Variants in PDE4D observed in about 807,000 individuals in gnomAD.
PDE4D encodes phosphodiesterase 4D.
PDE4D carries 24 observed loss-of-function variants against 87.4 expected under a neutral mutation model. The ratio of observed to expected loss-of-function variants is 0.27; its 90% confidence interval spans 0.20 to 0.39. PDE4D has a LOEUF of 0.39. Among genes scored for constraint, PDE4D ranks in the 10% least tolerant of loss-of-function variants. The probability of loss-of-function intolerance (pLI) is 1.00; values close to 1 mark genes in which losing one functional copy is unlikely to be tolerated. For missense variants in PDE4D, 714 were observed against 1,041.0 expected, an observed-to-expected ratio of 0.69 and a Z score of 4.32; for synonymous variants, 384 against 383.2, an observed-to-expected ratio of 1.00 and a Z score of -0.02.
chr5:60,042,133 G>A (rs574350938), intron 2 of PDE4D, among the ~76,000 whole-genome samples: 1 of 152,238 alleles, frequency 6.6e-6, no homozygotes, highest in Admixed American at 6.5e-5. Flanking sequence ...AGGGGTGTCT[G>A]CTATTACTGA....
intron 1 of PDE4D, among the ~76,000 whole-genome samples, chr5:59,281,760 C>T (rs568090479): frequency 8.7e-4 from 132 of 152,250 alleles, no homozygotes; most frequent in Non-Finnish European, 1.4e-3. Flanking sequence ...ATTTGGCTTT[C>T]TGTCCGTATG....
intron 2 of PDE4D, among the ~76,000 whole-genome samples, chr5:60,089,310 A>G (rs896675387): frequency 4.6e-5 from 7 of 152,074 alleles, no homozygotes; most frequent in African/African-American, 1.7e-4. Flanking sequence ...AAGTTTTAAA[A>G]AGTCAAAAAA....
At chr5:59,221,697 C>G (rs1752610267) in intron 1 of PDE4D, among the ~76,000 whole-genome samples, 1 of 152,090 alleles carries the variant, frequency 6.6e-6, no homozygotes, top group Admixed American at 6.5e-5. Flanking sequence ...TTTTCCAATT[C>G]TGAACATAAC....
At chr5:59,820,435 T>C (rs1327685177) in intron 1 of PDE4D, among the ~76,000 whole-genome samples, 1 of 152,200 alleles carries the variant, frequency 6.6e-6, no homozygotes, top group Non-Finnish European at 1.5e-5. Context: ...TCTCCTATTT[T>C]TTGAAGTTTA....
chr5:59,409,329 TG>T lies in PDE4D; in HGVS notation c.456-193362del, dbSNP rs1290721144. 2.1e-4 allele frequency among the ~76,000 whole-genome samples: 32 copies of T among 152,154 alleles called. 1 individual carries two copies. Among genetic ancestry groups the T allele is most frequent in the Admixed American group, 2.1e-3 (32 of 15,278 alleles). On this transcript the variant is annotated intron_variant, in intron 1 of 14. Coordinates refer to ENST00000340635, the MANE Select transcript of PDE4D (RefSeq NM_001104631.2). ...TTAATGCTGGAATGAGTTATGACTC[TG>T]GGAGACTGTTGAGAAGAGATGATTC...
intron 5 of PDE4D, among the ~76,000 whole-genome samples, chr5:59,119,401 T>C (rs949344427): frequency 2.6e-5 from 4 of 152,330 alleles, no homozygotes; most frequent in Non-Finnish European, 1.5e-5. Context: ...GAAGTACATT[T>C]ATCTGGGAAA....
intron 5 of PDE4D, among the ~76,000 whole-genome samples, chr5:59,091,918 A>T (rs1768822431): frequency 6.6e-6 from 1 of 152,180 alleles, no homozygotes; most frequent in South Asian, 2.1e-4. Context: ...CCAGGTGTGT[A>T]TAACATGAAG....
intron 6 of PDE4D, among the ~76,000 whole-genome samples, chr5:59,018,508 A>G (rs34612377): frequency 0.1 from 15,654 of 152,270 alleles, 1,048 homozygotes; most frequent in Non-Finnish European, 0.13. Context: ...AACAAAATAC[A>G]GCTCAAGGAT....
rs138917212 is a variant in PDE4D, at chr5:60,200,821, T to A, written c.-89-15134A>T. On this transcript the variant is annotated intron_variant, in intron 1 of 16. Transcript: ENST00000502484. The stretch of plus-strand genomic sequence containing the variant: ...CTGGAATGTGAGAAGAGTTTAATAG[T>A]AAGAAACCTATTAATATAACTCATT... Among the ~76,000 whole-genome samples the A allele has an allele frequency of 1.6e-4, 24 of 152,166 alleles. 1 individual carries two copies. The East Asian group carries it at 4.4e-3, about 28-fold the overall frequency.
chr5:59,677,730 G>A (rs1024924434), intron 1 of PDE4D, among the ~76,000 whole-genome samples: 1 of 152,116 alleles, frequency 6.6e-6, no homozygotes, highest in African/African-American at 2.4e-5. Flanking sequence ...AATAGAAAGG[G>A]TTTCCGAATC....
rs911913206 is a variant in PDE4D at position 59,394,658 on chromosome 5, C to T, written c.456-178690G>A. Among the ~76,000 whole-genome samples, 11 of 152,304 alleles carry T rather than the reference C, an allele frequency of 7.2e-5. No individual in the cohort carries two copies. In the East Asian group the frequency reaches 1.9e-3, roughly 27 times the overall value. On this transcript the variant is annotated intron_variant, in intron 1 of 14. Coordinates refer to ENST00000340635, the MANE Select transcript of PDE4D (RefSeq NM_001104631.2). ...TGAAAGATGGCACTTTTCTATTCTTCACCATATACAAGGCACAGTTCCAAG... is the reference window on the plus strand; with the variant it reads ...TGAAAGATGGCACTTTTCTATTCTTTACCATATACAAGGCACAGTTCCAAG...
intron 6 of PDE4D, among the ~76,000 whole-genome samples, 178 bp downstream of exon 6, chr5:59,038,681 C>T (rs1758999452): frequency 6.6e-6 from 1 of 152,256 alleles, no homozygotes; most frequent in Non-Finnish European, 1.5e-5. Flanking sequence ...GTTTATCTGG[C>T]GTGACTAGGG....
At chr5:60,422,280 AG>A (rs1223797688) in intron 1 of PDE4D, among the ~76,000 whole-genome samples, 1 of 152,232 alleles carries the variant, frequency 6.6e-6, no homozygotes, top group East Asian at 1.9e-4. Context: ...AAAAATGTTA[AG>A]GGCAGCCAGA....
intron 1 of PDE4D, among the ~76,000 whole-genome samples, chr5:59,815,452 G>A (rs1028767218): frequency 1.3e-5 from 2 of 152,134 alleles, no homozygotes; most frequent in Non-Finnish European, 2.9e-5. Context: ...GCTGGGTTCC[G>A]AGTTGGCTGT....
intron 1 of PDE4D, among the ~76,000 whole-genome samples, chr5:60,276,141 T>G (rs1291544112): frequency 6.6e-6 from 1 of 152,194 alleles, no homozygotes; most frequent in Non-Finnish European, 1.5e-5. Context: ...GTTGATTAGA[T>G]CCAGTTGGTT....
At chr5:59,738,576 T>C (rs1410674436) in intron 1 of PDE4D, among the ~76,000 whole-genome samples, 2 of 151,996 alleles carry the variant, frequency 1.3e-5, no homozygotes, top group African/African-American at 4.8e-5. Flanking sequence ...GGAAAGGTGA[T>C]AGAATTGGGG....
chr5:59,830,858 T>A (rs1378730293), intron 1 of PDE4D, among the ~76,000 whole-genome samples: 3 of 152,106 alleles, frequency 2.0e-5, no homozygotes, highest in Non-Finnish European at 4.4e-5. Flanking sequence ...ATAGAAATTT[T>A]AAAAATAGCT....
chr5:60,358,171 C>T (rs548865770), intron 1 of PDE4D, among the ~76,000 whole-genome samples: 17 of 152,262 alleles, frequency 1.1e-4, no homozygotes, highest in South Asian at 8.3e-4. Context: ...TTCCCTTGAC[C>T]GCTTCCTAGT....
chr5:60,016,226 C>A (rs1765506015), intron 2 of PDE4D, among the ~76,000 whole-genome samples: 2 of 152,134 alleles, frequency 1.3e-5, no homozygotes, highest in Non-Finnish European at 2.9e-5. Flanking sequence ...CACTATCCTG[C>A]AGTCTATTAG....
Sources: allele counts gnomAD v4.1 joint callset (sites outside exome capture counted in the v4.1 genomes callset), GRCh38; gene constraint gnomAD v4.1.1; transcripts MANE v1.5; gene names NCBI Gene and HGNC (gene_info 2026-07-23, HGNC 2026-07-21).